BSN: variants seen among roughly 807,000 people sequenced by gnomAD.
BSN encodes protein bassoon.
Under a neutral mutation model 264.8 loss-of-function variants are expected in BSN, and 57 were observed. That is an observed-to-expected ratio of 0.22 (90% confidence interval 0.17 to 0.27). The LOEUF (loss-of-function observed/expected upper bound fraction) is 0.27. Ranked by LOEUF, BSN falls within the 10% of genes least tolerant of loss-of-function variation. The probability of loss-of-function intolerance (pLI) is 1.00; values close to 1 mark genes in which losing one functional copy is unlikely to be tolerated. For synonymous variants in BSN, 2,059 were observed against 2,137.3 expected, an observed-to-expected ratio of 0.96 and a Z score of 1.01; for missense variants, 4,615 against 5,232.5, an observed-to-expected ratio of 0.88 and a Z score of 3.64.
Position 49,663,072 on chromosome 3 carries a change from C to T in BSN, c.10914C>T (p.Arg3638=). The T allele has an allele frequency of 6.2e-7, 1 of 1,612,822 alleles. No individual in the cohort carries two copies. Among genetic ancestry groups the T allele is most frequent in the Non-Finnish European group, 8.5e-7 (1 of 1,179,886 alleles). Residue 3638 remains arginine, a synonymous_variant, in exon 7 of 12, where the codon CGC becomes CGT. Transcript: ENST00000296452. ...LWPHDEGGPG[R]HASAKEHRHG... ...CTCATGATGAGGGTGGCCCAGGCCG[C>T]CATGCCTCAGCCAAGGAACACCGGC...
chr3:49,664,352 G>A, intron 8 of BSN, 71 bp from the exon 9 acceptor site: 1 of 1,599,464 alleles, frequency 6.3e-7, no homozygotes, highest in Non-Finnish European at 8.6e-7. Context: ...TTCTCTCGTG[G>A]GTACTTGCCC....
At chr3:49,673,087 C>CT (rs71080543), downstream of BSN, among the ~76,000 whole-genome samples, 304 of 43,216 alleles carry the variant, frequency 7.0e-3, 28 homozygotes, top group East Asian at 0.015. Flanking sequence ...CCGGCCGGGA[C>CT]TTTTTTTTTT....
chr3:49,554,752 A>T lies in BSN; in HGVS notation c.150A>T (p.Gly50=), dbSNP rs1187766943. 13 of 1,216,134 alleles carry T rather than the reference A, an allele frequency of 1.1e-5. No individual in the cohort carries two copies. The African/African-American group carries it at 1.9e-4, about 18-fold the overall frequency. The allele number at this position is 1,216,134 out of a possible 1,614,324, so 75.3% of individuals were successfully genotyped here. Residue 50 remains glycine (G), a synonymous_variant, in exon 1 of 12, where the codon GGA becomes GGT. Coordinates refer to ENST00000296452, the MANE Select transcript of BSN (RefSeq NM_003458.4). ...GTGGCGGACAGCTCCCCGCGGCGGGAGCAGCGCGGTCGACCGCGGTACCAC... is the reference window on the plus strand; with the variant it reads ...GTGGCGGACAGCTCCCCGCGGCGGGTGCAGCGCGGTCGACCGCGGTACCAC... ...PAGGGQLPAA[G]AARSTAVPPV... is the part of the protein sequence containing the mutation.
intron 1 of BSN, among the ~76,000 whole-genome samples, chr3:49,602,172 T>G (rs2052077136): frequency 6.6e-6 from 1 of 152,216 alleles, no homozygotes; most frequent in Admixed American, 6.5e-5. Flanking sequence ...GTTTGCCCCT[T>G]GGATCAGAAA....
Position 49,657,849 on chromosome 3 carries a change from C to T in BSN, c.8293C>T (p.Pro2765Ser). 3 of 1,612,022 alleles carry T rather than the reference C, an allele frequency of 1.9e-6. No homozygotes were observed. The highest frequency in any genetic ancestry group is 2.5e-6 in the Non-Finnish European group (3 of 1,179,384). The change falls in exon 5 of 12, where the codon CCC (proline) becomes TCC (serine). Residue 2765 changes from proline to serine, a missense_variant. Physicochemically the swap from Pro to Ser is moderately conservative, Grantham distance 74. This residue lies in a region of BSN where 3,415 missense variants were observed against 3,866.4 expected (regional missense o/e 0.88). Coordinates refer to ENST00000296452, the MANE Select transcript of BSN (RefSeq NM_003458.4). Reference sequence around the variant, plus strand: ...CAGATTTGAAAAAAAGAAGCCAGATCCCCTGGAGATTGGGTACCAGGCCCA... The same window carrying T: ...CAGATTTGAAAAAAAGAAGCCAGATTCCCTGGAGATTGGGTACCAGGCCCA... ...LGRFEKKKPD[P>S]LEIGYQAHLP...
Position 49,554,483 on chromosome 3 carries a change from C to A in BSN, c.-120C>A. 9.1e-6 allele frequency: 2 copies of A among 219,968 alleles called. No individual in the cohort carries two copies. The highest frequency in any genetic ancestry group is 1.5e-5 in the Non-Finnish European group (2 of 130,242). 13.6% of individuals were successfully genotyped at this position (219,968 alleles called of 1,614,324 possible). On this transcript the variant is annotated 5_prime_UTR_variant, in exon 1 of 12. Transcript: ENST00000296452. ...GACGCGCATGCGCAGCGGCAGGCGG[C>A]GGCGCGAGCCGAGCTGGGAGATGGC...
intron 1 of BSN, among the ~76,000 whole-genome samples, chr3:49,564,514 A>G (rs1319997195): frequency 6.6e-6 from 1 of 152,218 alleles, no homozygotes; most frequent in Non-Finnish European, 1.5e-5. Context: ...TTCAGGAACC[A>G]TACTGTGAGA....
rs1416222115 is a variant in BSN, at chr3:49,654,478, C to T, written c.4922C>T (p.Ser1641Phe). ...GGTGCCCTCCCTGCTGAGAACATCT[C>T]CCTGTGCCGGATCTCCTCTGTCCCT... ...GWGALPAENI[S>F]LCRISSVPGT... The change falls in exon 5 of 12, where the codon TCC becomes TTC. Residue 1641 changes from serine (S) to phenylalanine (F), a missense_variant. Ser to Phe is a radical substitution (Grantham distance 155, BLOSUM62 -2). Coordinates refer to ENST00000296452, the MANE Select transcript of BSN (RefSeq NM_003458.4). The surrounding 1 kb of genome is among the most constrained non-coding windows in gnomAD (Gnocchi z 4.1). 5.0e-6 allele frequency: 8 copies of T among 1,609,900 alleles called. No homozygotes were observed. Among genetic ancestry groups the T allele is most frequent in the Non-Finnish European group, 5.9e-6 (7 of 1,178,152 alleles).
downstream of BSN, among the ~76,000 whole-genome samples, chr3:49,672,489 T>A (rs1280618186): frequency 6.6e-6 from 1 of 151,800 alleles, no homozygotes; most frequent in Non-Finnish European, 1.5e-5. Flanking sequence ...CTTTTTTTTT[T>A]TTTTTCTTGA....
intron 1 of BSN, among the ~76,000 whole-genome samples, chr3:49,614,582 A>G (rs2052243958): frequency 6.6e-6 from 1 of 152,190 alleles, no homozygotes; most frequent in African/African-American, 2.4e-5. Context: ...TTAGTGAGAC[A>G]CTACAAGAAT....
intron 1 of BSN, among the ~76,000 whole-genome samples, chr3:49,597,768 C>T (rs924250142): frequency 6.6e-6 from 1 of 151,828 alleles, no homozygotes; most frequent in Non-Finnish European, 1.5e-5. Context: ...TCAGCCTCCC[C>T]AGTAGCTGGG....
In BSN at chr3:49,653,615, C is replaced by T; in HGVS notation, c.4059C>T (p.Pro1353=). 1 of 1,613,812 alleles carries T rather than the reference C, an allele frequency of 6.2e-7. No homozygotes were observed. The highest frequency in any genetic ancestry group is 8.5e-7 in the Non-Finnish European group (1 of 1,179,990). The change falls in exon 5 of 12, where the codon CCC becomes CCT. Residue 1353 remains proline (P), a synonymous_variant. Coordinates refer to ENST00000296452, the MANE Select transcript of BSN (RefSeq NM_003458.4). The surrounding 1 kb of genome is among the most constrained non-coding windows in gnomAD (Gnocchi z 6.3). The part of the protein sequence containing the change: ...TQHFAKETQD[P]LKLHSSPASP... ...ATTTTGCAAAGGAGACTCAGGACCC[C>T]CTCAAGCTGCACAGCTCTCCTGCCT... is the stretch of plus-strand genomic sequence containing the variant.
At position 49,652,413 on chromosome 3, in the gene BSN, G is replaced by A; in HGVS notation, c.2857G>A (p.Asp953Asn). ...TGAGTTGGACCTGGGCCAAGGCCCA[G>A]ACCCCAGTCTGGACCGGGAGCCTGA... ...GHELDLGQGP[D>N]PSLDREPELE... The change falls in exon 5 of 12, where the codon GAC becomes AAC. Residue 953 changes from aspartate to asparagine, a missense_variant. This residue lies in a region of BSN where 1,197 missense variants were observed against 1,348.0 expected (regional missense o/e 0.89). Coordinates refer to ENST00000296452, the MANE Select transcript of BSN (RefSeq NM_003458.4). The A allele has an allele frequency of 6.2e-7, 1 of 1,611,570 alleles. No individual in the cohort carries two copies. Among genetic ancestry groups the A allele is most frequent in the Non-Finnish European group, 8.5e-7 (1 of 1,178,824 alleles).
intron 1 of BSN, among the ~76,000 whole-genome samples, chr3:49,558,519 T>G (rs953064114): frequency 2.6e-5 from 4 of 152,254 alleles, no homozygotes; most frequent in African/African-American, 9.6e-5. Flanking sequence ...AATGGATTTG[T>G]CAGGCATAGT....
intron 1 of BSN, among the ~76,000 whole-genome samples, chr3:49,616,158 G>A (rs1259473121): frequency 1.3e-5 from 2 of 152,216 alleles, no homozygotes; most frequent in African/African-American, 4.8e-5. Flanking sequence ...TGGCTTGAAG[G>A]CTGGGCAGGC....
In BSN at chr3:49,662,034, C is replaced by T. The variant is rs558716308; in HGVS notation, c.10189C>T (p.Leu3397=). ...CCCCCCACCTGCAGTCAGCAGCAGC[C>T]TGGTCTCTCGGGGCAGGAAGTTCCA... The part of the protein sequence containing the change: ...SYPPPAVSSS[L]VSRGRKFQDE... Residue 3397 remains leucine (L), a synonymous_variant, in exon 6 of 12, where the codon CTG becomes TTG. Coordinates refer to ENST00000296452, the MANE Select transcript of BSN (RefSeq NM_003458.4). The T allele has an allele frequency of 2.6e-5, 42 of 1,613,896 alleles. 1 individual carries two copies. In the South Asian group the frequency reaches 4.4e-4, roughly 17 times the overall value.
chr3:49,651,456 C>T lies in BSN; in HGVS notation c.1987-87C>T, dbSNP rs1251876918. 2.9e-6 allele frequency: 4 copies of T among 1,401,460 alleles called. No individual in the cohort carries two copies. The highest frequency in any genetic ancestry group is 1.4e-5 in the South Asian group (1 of 71,932). 86.8% of individuals were successfully genotyped at this position (1,401,460 alleles called of 1,614,324 possible). ...CTTGGGAAATGGACAGACTCTTCCC[C>T]AGGGTCCTGGGATTGACAGGGAGGA... On this transcript the variant is annotated intron_variant, in intron 4 of 11. Transcript: ENST00000296452. The surrounding 1 kb of genome is among the most constrained non-coding windows in gnomAD (Gnocchi z 5.4).
rs1214152113 is a variant in BSN at position 49,651,681 on chromosome 3, G to A, written c.2125G>A (p.Asp709Asn). ...CGTGCAGCAGGAGGTGGAACAGCTG[G>A]ACAGTGCAGGGGTGACAGGGCCACA... ...GVVQQEVEQL[D>N]SAGVTGPHPP... The change falls in exon 5 of 12, where the codon GAC becomes AAC. Residue 709 changes from aspartate (D) to asparagine (N), a missense_variant. Coordinates refer to ENST00000296452, the MANE Select transcript of BSN (RefSeq NM_003458.4). This position sits in a 1 kb window ranked among gnomAD's most constrained non-coding sequence, Gnocchi z 5.4. 3.1e-6 allele frequency: 5 copies of A among 1,613,998 alleles called. No homozygotes were observed. The highest frequency in any genetic ancestry group is 2.7e-5 in the African/African-American group (2 of 74,928).
intron 2 of BSN, among the ~76,000 whole-genome samples, chr3:49,632,804 G>C (rs1048112029): frequency 1.3e-5 from 2 of 151,916 alleles, no homozygotes; most frequent in Admixed American, 1.3e-4. Context: ...AAAAAAGTGG[G>C]GGGGAGCAAA....
Sources: allele counts gnomAD v4.1 joint callset (sites outside exome capture counted in the v4.1 genomes callset), GRCh38; gene constraint gnomAD v4.1.1; regional missense constraint gnomAD v4.1.1; non-coding constraint Gnocchi (gnomAD v3.1); transcripts MANE v1.5; gene names NCBI Gene and HGNC (gene_info 2026-07-23, HGNC 2026-07-21).